ZFHX3: variants seen among roughly 807,000 people sequenced by gnomAD.
ZFHX3 encodes zinc finger homeobox 3.
A neutral mutation model predicts 279.1 loss-of-function variants in ZFHX3; 42 were observed. The ratio of observed to expected loss-of-function variants is 0.15; its 90% confidence interval spans 0.12 to 0.19. The LOEUF is 0.19. ZFHX3 is among the 10% of genes least tolerant of loss of function. The pLI is 1.00. For synonymous variants in ZFHX3, 2,293 were observed against 1,957.8 expected, an observed-to-expected ratio of 1.17 and a Z score of -4.52; for missense variants, 4,981 against 4,754.0, an observed-to-expected ratio of 1.05 and a Z score of -1.40.
intron 2 of ZFHX3, among the ~76,000 whole-genome samples, chr16:73,507,548 T>A (rs867296945): frequency 1.2e-4 from 16 of 135,882 alleles, no homozygotes; most frequent in African/African-American, 4.0e-4. Context: ...CAGGCTGGAG[T>A]ACAGTGGTGC....
chr16:73,206,655 C>A (rs924000194), intron 5 of ZFHX3, among the ~76,000 whole-genome samples: 8 of 152,104 alleles, frequency 5.3e-5, no homozygotes, highest in African/African-American at 1.9e-4. Flanking sequence ...ATTCTCCCAC[C>A]CATTTTTCTT....
At chr16:73,795,711 A>G (rs946462165) in intron 1 of ZFHX3, among the ~76,000 whole-genome samples, 12 of 152,186 alleles carry the variant, frequency 7.9e-5, no homozygotes, top group African/African-American at 2.9e-4. Flanking sequence ...GACATTGATC[A>G]TCAATCCCTT....
Position 72,788,134 on chromosome 16 carries a change from CGCTGCTGCT to C in ZFHX3, c.10133_10141del (p.Gln3378_Gln3380del). 1.3e-6 allele frequency: 2 copies of C among 1,596,610 alleles called. No individual in the cohort carries two copies. Among genetic ancestry groups the C allele is most frequent in the Non-Finnish European group, 1.7e-6 (2 of 1,167,930 alleles). ...TTGCTGCTGCTGCTGCTGTAGTTGC[CGCTGCTGCT>C]GCTGCTGAATTGCCTCCTGCAGACT... is the stretch of plus-strand genomic sequence containing the variant. On this transcript the variant is annotated inframe_deletion, in exon 10 of 10. Transcript: ENST00000268489.
intron 4 of ZFHX3, among the ~76,000 whole-genome samples, chr16:72,838,354 C>CG (rs397752444): frequency 0.14 from 13 of 90 alleles, no homozygotes; most frequent in African/African-American, 0.33. Flanking sequence ...CAGGCTGCAG[C>CG]TGCGTGTTCG....
intron 4 of ZFHX3, among the ~76,000 whole-genome samples, chr16:73,316,089 A>G (rs1022262701): frequency 2.6e-5 from 4 of 152,196 alleles, no homozygotes; most frequent in African/African-American, 9.6e-5. Flanking sequence ...TGGATGTTTT[A>G]TCACAAAGAA....
At chr16:73,792,134 T>C (rs781504856) in intron 1 of ZFHX3, among the ~76,000 whole-genome samples, 2 of 152,234 alleles carry the variant, frequency 1.3e-5, no homozygotes, top group Non-Finnish European at 2.9e-5. Context: ...TGCCCACAGA[T>C]GATTTAAAAT....
chr16:73,049,115 C>T (rs544736407), upstream of ZFHX3, among the ~76,000 whole-genome samples: 74 of 152,184 alleles, frequency 4.9e-4, no homozygotes, highest in Admixed American at 8.5e-4. Context: ...GATTGCTGGG[C>T]GCCTTCTATC....
upstream of ZFHX3, among the ~76,000 whole-genome samples, chr16:73,053,123 G>C (rs560404427): frequency 2.0e-5 from 3 of 151,958 alleles, no homozygotes; most frequent in African/African-American, 2.4e-5. Flanking sequence ...CATTCTATTA[G>C]AGGAAAGCCT....
At chr16:73,194,492 A>G (rs1968103232) in intron 5 of ZFHX3, among the ~76,000 whole-genome samples, 1 of 152,180 alleles carries the variant, frequency 6.6e-6, no homozygotes, top group African/African-American at 2.4e-5. Context: ...GAGCCACTGC[A>G]TCCAACCTTA....
chr16:73,083,296 C>T (rs1319072446), intron 8 of ZFHX3: 1 of 152,264 alleles, frequency 6.6e-6, no homozygotes, highest in African/African-American at 2.4e-5. Flanking sequence ...TATGAGCTTA[C>T]TGCTAATGAG....
chr16:73,259,517 A>C (rs1567433012), intron 4 of ZFHX3, among the ~76,000 whole-genome samples: 3 of 152,234 alleles, frequency 2.0e-5, no homozygotes, highest in South Asian at 4.1e-4. Flanking sequence ...GAGTAGTAAT[A>C]AATTCTCCTG....
intron 3 of ZFHX3, among the ~76,000 whole-genome samples, chr16:73,408,985 G>C (rs982128549): frequency 2.0e-5 from 3 of 152,146 alleles, no homozygotes; most frequent in African/African-American, 7.2e-5. Flanking sequence ...GGATGGCCTT[G>C]TGCAAGGGAC....
intron 3 of ZFHX3, among the ~76,000 whole-genome samples, chr16:73,325,084 G>A (rs2015654396): frequency 6.6e-6 from 1 of 152,068 alleles, no homozygotes; most frequent in Non-Finnish European, 1.5e-5. Flanking sequence ...AACCTCTCTG[G>A]CTGCGAAGTA....
At chr16:73,392,418 C>CAAAAAAAAAAAGAAAAAAAAAAA (rs2017034214) in intron 3 of ZFHX3, among the ~76,000 whole-genome samples, 1 of 35,782 alleles carries the variant, frequency 2.8e-5, no homozygotes. Context: ...GACCCTGTCT[C>CAAAAAAAAAAAGAAAAAAAAAAA]AAAAAAAAAA....
At chr16:73,329,191 G>C (rs974413500) in intron 3 of ZFHX3, among the ~76,000 whole-genome samples, 1 of 152,196 alleles carries the variant, frequency 6.6e-6, no homozygotes, top group African/African-American at 2.4e-5. Context: ...TAAGGGTGGC[G>C]AACCAGATTC....
At chr16:73,407,095 T>TTA (rs2017375285) in intron 3 of ZFHX3, among the ~76,000 whole-genome samples, 1 of 152,184 alleles carries the variant, frequency 6.6e-6, no homozygotes, top group Non-Finnish European at 1.5e-5. Flanking sequence ...TTTTTGGTTG[T>TTA]TACAACTTGG....
chr16:73,687,022 ATATATATATATATATATATATAT>A (rs2053093460), intron 1 of ZFHX3, among the ~76,000 whole-genome samples: 1 of 25,456 alleles, frequency 3.9e-5, no homozygotes, highest in Non-Finnish European at 7.3e-5. Context: ...ATATATATAT[ATATATATATATATATATATATAT>A]ATATATATAT....
intron 3 of ZFHX3, chr16:73,400,054 A>T (rs1172266529): frequency 6.6e-6 from 1 of 151,614 alleles, no homozygotes; most frequent in Non-Finnish European, 1.5e-5. Context: ...AATTTAGTGA[A>T]TCAGAGAATG....
chr16:73,754,112 G>A lies in ZFHX3; in HGVS notation c.-1607-73872C>T, dbSNP rs114080562. Among the ~76,000 whole-genome samples, 1,486 of 151,790 alleles carry A rather than the reference G, an allele frequency of 9.8e-3. 27 individuals are homozygous for A. The highest frequency in any genetic ancestry group is 0.033 in the African/African-American group (1,374 of 41,334). ...ACTCCTCTGGAATTCATACCATGTT[G>A]GCAGACAGCTAGGAACACAGTAGGT... On this transcript the variant is annotated intron_variant, in intron 1 of 17. Transcript: ENST00000641206.
Sources: gnomAD v4.1 joint callset for allele counts (sites outside exome capture counted in the v4.1 genomes callset) on GRCh38, gnomAD v4.1.1 for gene constraint, MANE v1.5 for transcripts, NCBI Gene and HGNC (gene_info 2026-07-23, HGNC 2026-07-21) for gene names.